The following ERC1 variants were observed in gnomAD, a reference collection of about 807,000 sequenced individuals.
ERC1 encodes ELKS/RAB6-interacting/CAST family member 1.
ERC1 carries 56 observed loss-of-function variants against 132.0 expected under a neutral mutation model. The ratio of observed to expected loss-of-function variants is 0.42; its 90% CI spans 0.34 to 0.53. The LOEUF (loss-of-function observed/expected upper bound fraction) is 0.53, where lower values mean the gene tolerates loss of function less well. ERC1 is among the 20% of genes least tolerant of loss of function. The probability of loss-of-function intolerance (pLI) is 0.03; values close to 1 mark genes in which losing one functional copy is unlikely to be tolerated. For synonymous variants in ERC1, 478 were observed against 476.1 expected, an observed-to-expected ratio of 1.00 and a Z score of -0.05; for missense variants, 1,202 against 1,349.9, an observed-to-expected ratio of 0.89 and a Z score of 1.72.
intron 18 of ERC1, among the ~76,000 whole-genome samples, chr12:1,454,144 G>A (rs753185838): frequency 1.2e-4 from 18 of 151,968 alleles, no homozygotes; most frequent in African/African-American, 2.4e-4. Flanking sequence ...TGAATCTTCC[G>A]TAACACTCTA....
intron 2 of ERC1, among the ~76,000 whole-genome samples, chr12:1,033,099 T>C (rs951196744): frequency 6.6e-6 from 1 of 151,432 alleles, no homozygotes; most frequent in African/African-American, 2.4e-5. Flanking sequence ...TGTGGTGGCG[T>C]GATCTCGGCT....
intron 7 of ERC1, among the ~76,000 whole-genome samples, chr12:1,123,660 A>G (rs562004274): frequency 5.6e-4 from 86 of 152,356 alleles, no homozygotes; most frequent in Middle Eastern, 6.8e-3. Flanking sequence ...TCAAGAAAAT[A>G]TAACCGTGCC....
chr12:1,405,934 A>G (rs2091458869), intron 16 of ERC1, among the ~76,000 whole-genome samples: 1 of 152,164 alleles, frequency 6.6e-6, no homozygotes, highest in South Asian at 2.1e-4. Flanking sequence ...ACAAATAAAT[A>G]TATATACATA....
At chr12:1,335,726 A>G (rs1033292465) in intron 15 of ERC1, among the ~76,000 whole-genome samples, 1 of 152,166 alleles carries the variant, frequency 6.6e-6, no homozygotes, top group Non-Finnish European at 1.5e-5. Flanking sequence ...TATCAGGATG[A>G]TGCCGACCTC....
Position 1,490,329 on chromosome 12 carries a change from C to T in ERC1, c.*99C>T. The T allele has an allele frequency of 8.5e-7, 1 of 1,174,564 alleles. No homozygotes were observed. Among genetic ancestry groups the T allele is most frequent in the Middle Eastern group, 2.9e-4 (1 of 3,486 alleles). The allele number at this position is 1,174,564 out of a possible 1,614,324, so 72.8% of individuals were successfully genotyped here. Reference sequence around the variant, plus strand: ...GGAACCTTCTTGGCACCAAACACTACAAACTTCATCCCAACTTGCTCACTT... The same window carrying T: ...GGAACCTTCTTGGCACCAAACACTATAAACTTCATCCCAACTTGCTCACTT... On this transcript the variant is annotated 3_prime_UTR_variant, in exon 19 of 19. Transcript: ENST00000360905.
At chr12:1,001,114 C>T (rs1337564828) in intron 1 of ERC1, among the ~76,000 whole-genome samples, 1 of 152,188 alleles carries the variant, frequency 6.6e-6, no homozygotes, top group Non-Finnish European at 1.5e-5. Flanking sequence ...GTTGGCTAGG[C>T]TGGTCTCAAA....
intron 13 of ERC1, among the ~76,000 whole-genome samples, chr12:1,246,246 T>C (rs556689246): frequency 6.6e-6 from 1 of 152,122 alleles, no homozygotes; most frequent in South Asian, 2.1e-4. Context: ...CCTAATTGCC[T>C]ATAGGTGGGA....
intron 14 of ERC1, among the ~76,000 whole-genome samples, chr12:1,273,290 C>G (rs972900491): frequency 1.3e-5 from 2 of 152,172 alleles, no homozygotes; most frequent in Non-Finnish European, 2.9e-5. Context: ...GTCACACATG[C>G]ATTTCCTATG....
intron 18 of ERC1, among the ~76,000 whole-genome samples, chr12:1,467,246 G>A (rs1288034434): frequency 6.6e-6 from 1 of 152,220 alleles, no homozygotes; most frequent in African/African-American, 2.4e-5. Context: ...CTGCGTGCCT[G>A]AAATTTCAGT....
chr12:1,329,450 G>T (rs2082710599), intron 15 of ERC1, among the ~76,000 whole-genome samples: 1 of 151,042 alleles, frequency 6.6e-6, no homozygotes, highest in Admixed American at 6.6e-5. Flanking sequence ...TATTTGGGAT[G>T]CAAAGTGAGG....
intron 11 of ERC1, among the ~76,000 whole-genome samples, chr12:1,186,675 T>C (rs1955128751): frequency 6.6e-6 from 1 of 152,172 alleles, no homozygotes; most frequent in Non-Finnish European, 1.5e-5. Context: ...TAGAACTTAA[T>C]GGGTAAGAAA....
chr12:1,044,117 G>C (rs945326769), intron 2 of ERC1, among the ~76,000 whole-genome samples: 1 of 152,156 alleles, frequency 6.6e-6, no homozygotes, highest in Non-Finnish European at 1.5e-5. Context: ...TGGTGTCATA[G>C]ATGGAACACT....
At chr12:1,048,733 C>A (rs914562886) in intron 2 of ERC1, among the ~76,000 whole-genome samples, 5 of 152,012 alleles carry the variant, frequency 3.3e-5, no homozygotes, top group African/African-American at 1.2e-4. Flanking sequence ...ATTTTTAAAT[C>A]TGAATTTCAC....
At chr12:1,450,658 C>A (rs1420541136) in intron 18 of ERC1, among the ~76,000 whole-genome samples, 1 of 152,154 alleles carries the variant, frequency 6.6e-6, no homozygotes, top group Admixed American at 6.5e-5. Context: ...GGTATAAAAT[C>A]AAAAGAAGAG....
chr12:1,268,904 T>C (rs1300676945), intron 14 of ERC1, among the ~76,000 whole-genome samples: 2 of 152,108 alleles, frequency 1.3e-5, no homozygotes. Flanking sequence ...TAAATAGGAA[T>C]GGCAAGAACT....
intron 18 of ERC1, among the ~76,000 whole-genome samples, chr12:1,473,235 A>G (rs552034661): frequency 1.3e-5 from 2 of 151,968 alleles, no homozygotes; most frequent in East Asian, 1.9e-4. Context: ...CACCATGTTG[A>G]TCAGGCTGGT....
At chr12:1,198,686 C>T (rs1956570643) in intron 12 of ERC1, among the ~76,000 whole-genome samples, 1 of 152,136 alleles carries the variant, frequency 6.6e-6, no homozygotes, top group Non-Finnish European at 1.5e-5. Context: ...GCGGGCTGTA[C>T]AGGCTTCTGC....
rs188026466 is a variant in ERC1, at chr12:1,439,168, C to T, written c.3025-5394C>T. 1.3e-5 allele frequency among the ~76,000 whole-genome samples: 2 copies of T among 152,268 alleles called. 1 individual carries two copies. Among genetic ancestry groups the T allele is most frequent in the Admixed American group, 1.3e-4 (2 of 15,292 alleles). ...AAGAGCCTACTGGACAGACGCTTCA[C>T]TCTGCACATTTCTTCCAGGTATTGA... On this transcript the variant is annotated intron_variant, in intron 17 of 18. Coordinates refer to ENST00000360905, the MANE Select transcript of ERC1 (RefSeq NM_178040.4).
At chr12:1,193,679 T>C (rs1236742043) in intron 12 of ERC1, among the ~76,000 whole-genome samples, 1 of 152,188 alleles carries the variant, frequency 6.6e-6, no homozygotes, top group Non-Finnish European at 1.5e-5. Flanking sequence ...ATGGAACCTG[T>C]TGCAGGCACA....
Sources: allele counts gnomAD v4.1 joint callset (sites outside exome capture counted in the v4.1 genomes callset), GRCh38; gene constraint gnomAD v4.1.1; transcripts MANE v1.5; gene names NCBI Gene and HGNC (gene_info 2026-07-23, HGNC 2026-07-21).